TVP23C: variants seen among roughly 807,000 people sequenced by gnomAD.
TVP23C encodes the protein Golgi apparatus membrane protein TVP23 homolog C.
In TVP23C, 19 loss-of-function variants were observed where a neutral mutation model predicts 28.7. The ratio of observed to expected loss-of-function variants is 0.66; its 90% CI spans 0.46 to 0.97. TVP23C has a LOEUF of 0.97. TVP23C is among the 50% of genes least tolerant of loss of function. The pLI, the probability that TVP23C is intolerant of heterozygous loss-of-function variation, is 0.00. For missense variants in TVP23C, 186 were observed against 241.3 expected (o/e 0.77, Z 1.52); for synonymous variants, 68 against 81.7 (o/e 0.83, Z 0.90).
intron 3 of TVP23C, among the ~76,000 whole-genome samples, 184 bp from the exon 4 acceptor site, chr17:15,547,332 G>T (rs1008686271): frequency 2.6e-5 from 4 of 152,104 alleles, no homozygotes; most frequent in Non-Finnish European, 4.4e-5. Context: ...GTAATGGCAG[G>T]ACTAATAGGG....
intron 5 of TVP23C, among the ~76,000 whole-genome samples, chr17:15,514,051 G>T (rs1307485887): frequency 1.3e-5 from 2 of 152,216 alleles, no homozygotes; most frequent in Non-Finnish European, 2.9e-5. Flanking sequence ...GCTTCCAAGA[G>T]AACGTTCTTA....
intron 5 of TVP23C, among the ~76,000 whole-genome samples, chr17:15,524,078 G>T (rs1982616068): frequency 6.7e-6 from 1 of 148,856 alleles, no homozygotes; most frequent in South Asian, 2.1e-4. Flanking sequence ...GTGTGTGTGT[G>T]TGTGTGTGTG....
intron 5 of TVP23C, among the ~76,000 whole-genome samples, chr17:15,543,163 G>A (rs889635243): frequency 6.8e-6 from 1 of 146,878 alleles, no homozygotes; most frequent in Non-Finnish European, 1.5e-5. Flanking sequence ...GCAAGAGCCT[G>A]GTAAGTTCTC....
At chr17:15,544,000 T>C (rs753517319) in intron 5 of TVP23C, among the ~76,000 whole-genome samples, 23 of 151,960 alleles carry the variant, frequency 1.5e-4, no homozygotes, top group Non-Finnish European at 2.9e-4. Context: ...AGTCTGCCTG[T>C]CAGAAAGGCA....
rs568210453 is a variant in TVP23C at position 15,557,591 on chromosome 17, G to A, written c.13-2227C>T. Among the ~76,000 whole-genome samples, 54 of 147,944 alleles carry A rather than the reference G, an allele frequency of 3.7e-4. 3 individuals are homozygous for A. The highest frequency in any genetic ancestry group is 1.2e-3 in the African/African-American group (48 of 41,118). On this transcript the variant is annotated intron_variant, in intron 1 of 5. Coordinates refer to ENST00000518321, the MANE Select transcript of TVP23C (RefSeq NM_001135036.2). ...TGGGATTATAGGTGTGAGCCACCAC[G>A]CCCAACCAAGACTGTCTTTGCATTG... is the stretch of plus-strand genomic sequence containing the variant.
rs550418820 is a variant in TVP23C, at chr17:15,539,383, G to A, written c.*1029C>T. On this transcript the variant is annotated 3_prime_UTR_variant, in exon 6 of 6. Coordinates refer to ENST00000518321, the MANE Select transcript of TVP23C (RefSeq NM_001135036.2). Reference sequence around the variant, plus strand: ...AGCACTTTGGGAGGCGGAGGCAGGCGGATCACGAGGTCAGGAGATCGAGAC... The same window carrying A: ...AGCACTTTGGGAGGCGGAGGCAGGCAGATCACGAGGTCAGGAGATCGAGAC... 212 of 749,466 alleles carry A rather than the reference G, an allele frequency of 2.8e-4. No individual in the cohort carries two copies. Among genetic ancestry groups the A allele is most frequent in the African/African-American group, 3.2e-4 (17 of 52,314 alleles). 46.4% of individuals were successfully genotyped at this position (749,466 alleles called of 1,614,324 possible). A position where few individuals can be genotyped will look rare whatever the true frequency, so the allele number is the denominator to read the frequency against.
intron 3 of TVP23C, among the ~76,000 whole-genome samples, chr17:15,550,555 C>G (rs1983840942): frequency 6.6e-6 from 1 of 152,132 alleles, no homozygotes; most frequent in Non-Finnish European, 1.5e-5. Context: ...TATTTTTTGG[C>G]ACTTTGGTTT....
chr17:15,506,206 C>T (rs1412174575), intron 5 of TVP23C, among the ~76,000 whole-genome samples: 1 of 152,240 alleles, frequency 6.6e-6, no homozygotes, highest in Non-Finnish European at 1.5e-5. Context: ...ATTGTAAATA[C>T]ACCAATCAGC....
intron 5 of TVP23C, chr17:15,530,823 G>A (rs1982923516): frequency 1.3e-5 from 2 of 151,010 alleles, no homozygotes. Context: ...CACAATCAAG[G>A]CCTCAACCTG....
chr17:15,524,089 T>G (rs1982617238), intron 5 of TVP23C, among the ~76,000 whole-genome samples: 1 of 151,454 alleles, frequency 6.6e-6, no homozygotes, highest in Non-Finnish European at 1.5e-5. Context: ...TGTGTGTGTG[T>G]GTGTGTGTGT....
chr17:15,530,100 C>T (rs900816662), intron 5 of TVP23C, among the ~76,000 whole-genome samples: 2 of 152,046 alleles, frequency 1.3e-5, no homozygotes, highest in African/African-American at 4.8e-5. Context: ...TGCCCAGCCG[C>T]AAATCTGTCT....
Position 15,557,286 on chromosome 17 carries a change from C to A in TVP23C, c.13-1922G>T, listed in dbSNP as rs1263535610. On this transcript the variant is annotated intron_variant, in intron 1 of 5. Coordinates refer to ENST00000518321, the MANE Select transcript of TVP23C (RefSeq NM_001135036.2). ...TTAAGCTGCTGGAGGACCTAGAAGA[C>A]AAGGTTTTTTTTTTTTTTTTTTGAG... Among the ~76,000 whole-genome samples, 14 of 137,618 alleles carry A rather than the reference C, an allele frequency of 1.0e-4. 2 individuals carry two copies. In the Admixed American group the frequency reaches 1.1e-3, roughly 11 times the overall value. The allele number at this position is 137,618 out of a possible 152,430, so 90.3% of individuals were successfully genotyped here.
intron 1 of TVP23C, among the ~76,000 whole-genome samples, chr17:15,555,815 T>C (rs1278361939): frequency 6.6e-6 from 1 of 152,108 alleles, no homozygotes; most frequent in Non-Finnish European, 1.5e-5. Context: ...AACCAATTAT[T>C]TGTGCTCAGA....
intron 5 of TVP23C, chr17:15,507,355 G>A: frequency 2.7e-6 from 2 of 729,262 alleles, no homozygotes; most frequent in East Asian, 5.2e-5. Flanking sequence ...ACTCTAATAA[G>A]TTTCACTTAC....
chr17:15,509,616 A>G (rs1981917279), intron 5 of TVP23C, among the ~76,000 whole-genome samples: 1 of 152,168 alleles, frequency 6.6e-6, no homozygotes, highest in South Asian at 2.1e-4. Context: ...AGTTCCAGCA[A>G]TTTGGGAGGC....
chr17:15,542,802 A>G (rs1042162089), intron 5 of TVP23C, among the ~76,000 whole-genome samples: 2 of 152,184 alleles, frequency 1.3e-5, no homozygotes, highest in Admixed American at 6.5e-5. Flanking sequence ...TGTAGGCTGC[A>G]ATTTTGTGAA....
intron 3 of TVP23C, among the ~76,000 whole-genome samples, chr17:15,552,007 T>C (rs2907502): frequency 0.39 from 58,501 of 151,900 alleles, 11,788 homozygotes; most frequent in East Asian, 0.54. Flanking sequence ...TTTTTTAAGC[T>C]CTTGTTTAAA....
Position 15,545,855 on chromosome 17 carries a change from A to G in TVP23C, c.392T>C (p.Leu131Pro). ...CACCCACAGTACTGAACAGGCAATA[A>G]GTCCCAACCAAAAGATTCTTGATTC... is the stretch of plus-strand genomic sequence containing the variant. The part of the protein sequence containing the change: ...EAESRIFWLG[L>P]IACSVLWVIF... The change falls in exon 5 of 6, where the codon CTT becomes CCT. Residue 131 changes from leucine (L) to proline (P), a missense_variant. Physicochemically the swap from Leu to Pro is moderately conservative, Grantham distance 98. Around this residue, in one of 3 missense-constraint regions of TVP23C, gnomAD observed 74 missense variants for 96.0 expected, o/e 0.77. Transcript: ENST00000518321. 2 of 1,614,160 alleles carry G rather than the reference A, an allele frequency of 1.2e-6. No individual in the cohort carries two copies. Among genetic ancestry groups the G allele is most frequent in the African/African-American group, 1.3e-5 (1 of 75,070 alleles).
rs150299260 is a variant in TVP23C at position 15,503,506 on chromosome 17, G to A, written c.463-274C>T. 2.5e-3 allele frequency: 727 copies of A among 292,344 alleles called. 5 individuals carry two copies. Among genetic ancestry groups the A allele is most frequent in the African/African-American group, 0.014 (660 of 46,340 alleles). The allele number at this position is 292,344 out of a possible 1,614,324, so 18.1% of individuals were successfully genotyped here. On this transcript the variant is annotated intron_variant, in intron 5 of 5. Transcript: ENST00000225576. ...CTGAAGATTGTTGGAACACGGTGCAGAACCCTCTTAGTCTCGTTTTGTTGC... is the reference window on the plus strand; with the variant it reads ...CTGAAGATTGTTGGAACACGGTGCAAAACCCTCTTAGTCTCGTTTTGTTGC...
Sources: allele counts gnomAD v4.1 joint callset (sites outside exome capture counted in the v4.1 genomes callset), GRCh38; gene constraint gnomAD v4.1.1; regional missense constraint gnomAD v4.1.1; transcripts MANE v1.5; gene names NCBI Gene and HGNC (gene_info 2026-07-23, HGNC 2026-07-21).